Variants in CAT observed in about 807,000 individuals in gnomAD.
CAT encodes the protein epididymis secretory sperm binding protein.
In CAT, 43 loss-of-function variants were observed where a neutral mutation model predicts 59.0. The observed-to-expected ratio is 0.73, with a 90% confidence interval of 0.57 to 0.94. The LOEUF is 0.94. Ranked by LOEUF, CAT falls within the 40% of genes least tolerant of loss-of-function variation. The pLI is 0.00. For missense variants in CAT, 664 were observed against 682.9 expected (o/e 0.97, Z 0.31); for synonymous variants, 218 against 230.9 (o/e 0.94, Z 0.51).
At chr11:34,464,920 A>G (rs550896315) in intron 10 of CAT, among the ~76,000 whole-genome samples, 1 of 151,634 alleles carries the variant, frequency 6.6e-6, no homozygotes, top group Non-Finnish European at 1.5e-5. Context: ...AATCCTATTG[A>G]CTTGGCTAAT....
chr11:34,447,001 C>G (rs2133179525), intron 1 of CAT, among the ~76,000 whole-genome samples: 1 of 152,306 alleles, frequency 6.6e-6, no homozygotes, highest in Non-Finnish European at 1.5e-5. Context: ...GCTGCAGCCT[C>G]CCGAAGTGTT....
At chr11:34,454,721 T>G (rs574838880) in intron 6 of CAT, among the ~76,000 whole-genome samples, 5 of 152,326 alleles carry the variant, frequency 3.3e-5, no homozygotes, top group African/African-American at 1.2e-4. Flanking sequence ...ATGAAACAGT[T>G]GACCCATTGG....
At chr11:34,461,871 G>A (rs1213612145) in intron 9 of CAT, among the ~76,000 whole-genome samples, 1 of 152,198 alleles carries the variant, frequency 6.6e-6, no homozygotes, top group Non-Finnish European at 1.5e-5. Flanking sequence ...AGAATTTGGA[G>A]GGGAGCTAGA....
intron 2 of CAT, among the ~76,000 whole-genome samples, chr11:34,450,516 A>G (rs547227343): frequency 1.2e-4 from 18 of 152,252 alleles, no homozygotes; most frequent in African/African-American, 4.3e-4. Context: ...TTCTTCCTGG[A>G]TAAGGTTTCT....
At chr11:34,439,847 C>T (rs1856366259) in intron 1 of CAT, among the ~76,000 whole-genome samples, 1 of 152,186 alleles carries the variant, frequency 6.6e-6, no homozygotes, top group Non-Finnish European at 1.5e-5. Context: ...GTGGTGAGGG[C>T]TCTAATAGAG....
At chr11:34,450,851 C>A in intron 2 of CAT, 137 bp from the exon 3 acceptor site, 1 of 765,690 alleles carries the variant, frequency 1.3e-6, no homozygotes, top group Non-Finnish European at 2.4e-6. Context: ...TGGGCATTTC[C>A]CCTTCCTCCA....
At chr11:34,439,873 T>A (rs1856366680) in intron 1 of CAT, among the ~76,000 whole-genome samples, 1 of 152,154 alleles carries the variant, frequency 6.6e-6, no homozygotes, top group Admixed American at 6.5e-5. Context: ...CTGTAGAATG[T>A]AGAGGGAGTG....
chr11:34,469,742 T>C (rs1267594268), intron 11 of CAT, among the ~76,000 whole-genome samples: 8 of 151,906 alleles, frequency 5.3e-5, no homozygotes, highest in African/African-American at 1.9e-4. Flanking sequence ...CTCGGCTCAC[T>C]GCAACCTCTG....
chr11:34,450,925 G>A lies in CAT; in HGVS notation c.239-63G>A, dbSNP rs1303755997. On this transcript the variant is annotated intron_variant, in intron 2 of 12. Transcript: ENST00000241052. ...ATTTTCTCTTGTCACCCAGGTGCCTGTTGAGGACCTGAATGTCTGAGTAAT... is the reference window on the plus strand; with the variant it reads ...ATTTTCTCTTGTCACCCAGGTGCCTATTGAGGACCTGAATGTCTGAGTAAT... 5.6e-6 allele frequency: 6 copies of A among 1,079,522 alleles called. No homozygotes were observed. In the Admixed American group the frequency reaches 8.4e-5, roughly 15 times the overall value. 66.9% of individuals were successfully genotyped at this position (1,079,522 alleles called of 1,614,324 possible).
chr11:34,461,583 C>A (rs564827507), intron 9 of CAT, among the ~76,000 whole-genome samples, 194 bp downstream of exon 9: 2 of 152,312 alleles, frequency 1.3e-5, no homozygotes, highest in East Asian at 3.9e-4. Context: ...ACTCTCCATG[C>A]TTTTTATCTA....
At chr11:34,453,367 C>T (rs546231867) in intron 5 of CAT, among the ~76,000 whole-genome samples, 173 bp downstream of exon 5, 5 of 152,126 alleles carry the variant, frequency 3.3e-5, no homozygotes, top group Admixed American at 1.3e-4. Flanking sequence ...CCCCATTCAT[C>T]GGCCTTAAAT....
chr11:34,463,724 C>G (rs1564966012), intron 9 of CAT, among the ~76,000 whole-genome samples: 1 of 152,154 alleles, frequency 6.6e-6, no homozygotes, highest in Non-Finnish European at 1.5e-5. Flanking sequence ...TTTTTCAAGT[C>G]AATTTTGAAA....
At chr11:34,459,437 G>C (rs1856625088) in intron 8 of CAT, among the ~76,000 whole-genome samples, 1 of 152,188 alleles carries the variant, frequency 6.6e-6, no homozygotes, top group African/African-American at 2.4e-5. Context: ...GCCACACCAT[G>C]GTGAAATGGA....
At chr11:34,449,797 A>G (rs1338247577) in intron 2 of CAT, among the ~76,000 whole-genome samples, 2 of 152,228 alleles carry the variant, frequency 1.3e-5, no homozygotes, top group African/African-American at 4.8e-5. Context: ...TCTTATATTA[A>G]ACATTGAAAT....
At chr11:34,445,218 G>A (rs964043584) in intron 1 of CAT, among the ~76,000 whole-genome samples, 8 of 152,016 alleles carry the variant, frequency 5.3e-5, no homozygotes, top group African/African-American at 1.5e-4. Flanking sequence ...GGCTGGGCGC[G>A]GTGGCTCACG....
intron 10 of CAT, among the ~76,000 whole-genome samples, chr11:34,467,805 C>T (rs1856735818): frequency 6.6e-6 from 1 of 152,032 alleles, no homozygotes; most frequent in Non-Finnish European, 1.5e-5. Flanking sequence ...GAAATATTGG[C>T]TTCTGAATAA....
intron 1 of CAT, among the ~76,000 whole-genome samples, chr11:34,447,066 A>G (rs1856465481): frequency 1.3e-5 from 2 of 152,140 alleles, no homozygotes; most frequent in South Asian, 4.1e-4. Context: ...TATTTTTTAA[A>G]GGCTTCCTTA....
intron 1 of CAT, among the ~76,000 whole-genome samples, chr11:34,440,993 T>C (rs1856384032): frequency 6.6e-6 from 1 of 152,190 alleles, no homozygotes. Context: ...AAAACACATC[T>C]ATAGTTGGGA....
chr11:34,442,046 T>C (rs525938), intron 1 of CAT, among the ~76,000 whole-genome samples: 53,700 of 152,044 alleles, frequency 0.35, 10,266 homozygotes, highest in East Asian at 0.72. Context: ...TTACATTTAG[T>C]TGTTGGGTGT....
Sources: allele counts gnomAD v4.1 joint callset (sites outside exome capture counted in the v4.1 genomes callset), GRCh38; gene constraint gnomAD v4.1.1; transcripts MANE v1.5; gene names NCBI Gene and HGNC (gene_info 2026-07-23, HGNC 2026-07-21).